Variants in MAST4 observed in about 807,000 individuals in gnomAD.
The protein encoded by MAST4 is microtubule-associated serine/threonine-protein kinase 4.
In MAST4, 89 loss-of-function variants were observed where a neutral mutation model predicts 162.7. That is an observed-to-expected ratio of 0.55 (90% CI 0.46 to 0.65). The LOEUF (loss-of-function observed/expected upper bound fraction) is 0.65, where lower values mean the gene tolerates loss of function less well. Among genes scored for constraint, MAST4 ranks in the 30% least tolerant of loss-of-function variants. The probability of loss-of-function intolerance (pLI) is 0.00; values close to 1 mark genes in which losing one functional copy is unlikely to be tolerated. For missense variants in MAST4, 3,153 were observed against 3,374.0 expected, an observed-to-expected ratio of 0.93 and a Z score of 1.62; for synonymous variants, 1,479 against 1,361.1, an observed-to-expected ratio of 1.09 and a Z score of -1.91.
intron 15 of MAST4, among the ~76,000 whole-genome samples, chr5:67,131,343 G>C (rs545781447): frequency 3.4e-4 from 51 of 152,186 alleles, no homozygotes; most frequent in African/African-American, 1.2e-3. Context: ...TCTTTATATA[G>C]ATTATCTCAT....
At chr5:66,957,482 G>A (rs1745459111) in intron 4 of MAST4, among the ~76,000 whole-genome samples, 1 of 151,922 alleles carries the variant, frequency 6.6e-6, no homozygotes. Context: ...CTTTTGTGAT[G>A]CTTTTTTCTA....
intron 4 of MAST4, among the ~76,000 whole-genome samples, chr5:66,992,508 C>G (rs1396170872): frequency 6.6e-6 from 1 of 152,216 alleles, no homozygotes; most frequent in African/African-American, 2.4e-5. Context: ...ATACCTTGCA[C>G]TTTCATCTTA....
At chr5:66,645,068 C>T (rs576941082) in intron 1 of MAST4, among the ~76,000 whole-genome samples, 3 of 151,990 alleles carry the variant, frequency 2.0e-5, no homozygotes, top group East Asian at 1.9e-4. Flanking sequence ...AAGTGTTGAG[C>T]GTGTGTCTGT....
chr5:66,818,527 T>C (rs1159532889), intron 3 of MAST4, among the ~76,000 whole-genome samples: 1 of 152,236 alleles, frequency 6.6e-6, no homozygotes, highest in Non-Finnish European at 1.5e-5. Flanking sequence ...TAAATACAAA[T>C]ACTGTGTCCT....
chr5:67,026,134 T>G (rs1405835763), intron 4 of MAST4, among the ~76,000 whole-genome samples: 1 of 152,234 alleles, frequency 6.6e-6, no homozygotes, highest in East Asian at 1.9e-4. Context: ...TGTAAGTGTT[T>G]TAATGATCAA....
At chr5:67,004,871 A>C (rs1271743257) in intron 4 of MAST4, 2 of 645,192 alleles carry the variant, frequency 3.1e-6, no homozygotes. Flanking sequence ...TTTTCTCTGG[A>C]GGGAGTGAGT....
intron 3 of MAST4, among the ~76,000 whole-genome samples, chr5:66,819,624 T>C (rs941493779): frequency 6.6e-6 from 1 of 152,192 alleles, no homozygotes. Context: ...AATCATATTT[T>C]AAATTCCAGG....
chr5:66,683,139 G>A (rs1003342063), intron 1 of MAST4, among the ~76,000 whole-genome samples: 20 of 152,176 alleles, frequency 1.3e-4, no homozygotes, highest in African/African-American at 4.1e-4. Flanking sequence ...ATCTCACTGT[G>A]CCAAAGCATA....
At chr5:66,930,775 G>A (rs1742107579) in intron 4 of MAST4, 2 of 470,692 alleles carry the variant, frequency 4.2e-6, no homozygotes, top group Non-Finnish European at 8.8e-6. Flanking sequence ...ACAGAACATC[G>A]TGGATTGAGA....
chr5:66,902,938 A>G, intron 4 of MAST4, among the ~76,000 whole-genome samples: 1 of 152,196 alleles, frequency 6.6e-6, no homozygotes, highest in East Asian at 1.9e-4. Flanking sequence ...CTACCTGTCA[A>G]AATCGTGATA....
chr5:66,609,841 A>G (rs1407994586), intron 1 of MAST4, among the ~76,000 whole-genome samples: 2 of 151,874 alleles, frequency 1.3e-5, no homozygotes, highest in African/African-American at 4.8e-5. Context: ...TACACTTCAC[A>G]CCCAAAACTA....
At chr5:66,717,838 A>T (rs1371869156) in intron 1 of MAST4, among the ~76,000 whole-genome samples, 2 of 152,162 alleles carry the variant, frequency 1.3e-5, no homozygotes, top group Non-Finnish European at 2.9e-5. Flanking sequence ...TCATTTGGCT[A>T]GTCCCAGGTA....
chr5:66,620,685 A>G (rs1744019614), intron 1 of MAST4, among the ~76,000 whole-genome samples: 1 of 152,132 alleles, frequency 6.6e-6, no homozygotes, highest in African/African-American at 2.4e-5. Context: ...AATATTTGCT[A>G]GTCCTTGTTT....
At chr5:67,008,082 C>G (rs1258829831) in intron 4 of MAST4, among the ~76,000 whole-genome samples, 1 of 152,186 alleles carries the variant, frequency 6.6e-6, no homozygotes, top group Non-Finnish European at 1.5e-5. Context: ...CTTACATGTT[C>G]CATTGGAAAT....
At chr5:67,107,488 G>A (rs1209373475) in intron 10 of MAST4, among the ~76,000 whole-genome samples, 2 of 152,162 alleles carry the variant, frequency 1.3e-5, no homozygotes, top group Non-Finnish European at 2.9e-5. Flanking sequence ...CAGCCCTTTT[G>A]TAAAAATTTA....
intron 3 of MAST4, among the ~76,000 whole-genome samples, chr5:66,863,659 G>A (rs1242094242): frequency 1.3e-5 from 2 of 152,026 alleles, no homozygotes; most frequent in African/African-American, 2.4e-5. Flanking sequence ...CAGGCCTCTG[G>A]TGTCTGGTTG....
rs772473094 is a variant in MAST4 at position 67,144,738 on chromosome 5, A to G, written c.2800A>G (p.Lys934Glu). 22 of 1,613,802 alleles carry G rather than the reference A, an allele frequency of 1.4e-5. No individual in the cohort carries two copies. The highest frequency in any genetic ancestry group is 1.6e-5 in the Non-Finnish European group (19 of 1,179,844). ...GAAGGAAGACTCTGTGGACAAAACC[A>G]AAAGCACCACCTTGCCATCCACAGA... Reference protein sequence around the residue: ...EEKEDSVDKTKSTTLPSTETL... With the variant: ...EEKEDSVDKTESTTLPSTETL... Residue 934 changes from lysine (K) to glutamate (E), a missense_variant, in exon 22 of 29, where the codon AAA (lysine) becomes GAA (glutamate). Coordinates refer to ENST00000403625, the MANE Select transcript of MAST4 (RefSeq NM_001164664.2).
At chr5:66,752,397 C>G (rs927467170) in intron 1 of MAST4, among the ~76,000 whole-genome samples, 5 of 149,140 alleles carry the variant, frequency 3.4e-5, no homozygotes, top group Non-Finnish European at 7.4e-5. Flanking sequence ...ATTCAGGAAA[C>G]CCATCTCATG....
At chr5:66,972,646 G>T (rs1236965618) in intron 4 of MAST4, among the ~76,000 whole-genome samples, 1 of 152,110 alleles carries the variant, frequency 6.6e-6, no homozygotes, top group South Asian at 2.1e-4. Flanking sequence ...AGTCTGAGCC[G>T]CTGCCATTTA....
Sources: gnomAD v4.1 joint callset for allele counts (sites outside exome capture counted in the v4.1 genomes callset) on GRCh38, gnomAD v4.1.1 for gene constraint, MANE v1.5 for transcripts, NCBI Gene and HGNC (gene_info 2026-07-23, HGNC 2026-07-21) for gene names.